AFM: variants seen among roughly 807,000 people sequenced by gnomAD.
AFM encodes alpha-Alb.
AFM carries 82 observed loss-of-function variants against 68.7 expected under a neutral mutation model. The ratio of observed to expected loss-of-function variants is 1.19; its 90% CI spans 1.00 to 1.43. AFM has a LOEUF of 1.43. Among genes scored for constraint, AFM ranks in the 40% most tolerant of loss-of-function variants. The pLI, the probability that AFM is intolerant of heterozygous loss-of-function variation, is 0.00. For synonymous variants in AFM, 250 were observed against 234.2 expected (o/e 1.07, Z -0.61); for missense variants, 772 against 701.8 (o/e 1.10, Z -1.13).
intron 11 of AFM, among the ~76,000 whole-genome samples, chr4:73,499,487 A>G (rs1365750895): frequency 6.6e-6 from 1 of 152,150 alleles, no homozygotes; most frequent in Non-Finnish European, 1.5e-5. Context: ...TCATTGTATT[A>G]GAAGGGATTT....
In AFM at chr4:73,499,202, A is replaced by G; in HGVS notation, c.1378A>G (p.Thr460Ala). 2 of 1,612,824 alleles carry G rather than the reference A, an allele frequency of 1.2e-6. No individual in the cohort carries two copies. The highest frequency in any genetic ancestry group is 2.2e-5 in the East Asian group (1 of 44,822). Residue 460 changes from threonine to alanine, a missense_variant, in exon 11 of 15, where the codon ACT (threonine) becomes GCT (alanine). Thr to Ala is a moderately conservative substitution (Grantham distance 58). Transcript: ENST00000226355. ...CGAGAAAATGGTGACAGCTTTCACT[A>G]CTTGCTGTACGCTAAGTGAAGAGTT... ...LGEKMVTAFT[T>A]CCTLSEEFAC... is the part of the protein sequence containing the mutation.
intron 8 of AFM, among the ~76,000 whole-genome samples, chr4:73,494,020 C>A (rs1440001107): frequency 6.6e-6 from 1 of 151,372 alleles, no homozygotes; most frequent in African/African-American, 2.4e-5. Context: ...GAGTAAGCTT[C>A]CAGGGATTTT....
At position 73,484,232 on chromosome 4, in the gene AFM, T is replaced by C. The variant is rs188646494; in HGVS notation, c.138-26T>C. 29 of 1,593,476 alleles carry C rather than the reference T, an allele frequency of 1.8e-5. No individual in the cohort carries two copies. In the East Asian group the frequency reaches 6.3e-4, roughly 35 times the overall value. Reference sequence around the variant, plus strand: ...AAATGGAAACTCTGCAACTGATCTTTGTATACCCCATGTGAACTGTTGCAG... The same window carrying C: ...AAATGGAAACTCTGCAACTGATCTTCGTATACCCCATGTGAACTGTTGCAG... On this transcript the variant is annotated intron_variant, in intron 2 of 14. Coordinates refer to ENST00000226355, the MANE Select transcript of AFM (RefSeq NM_001133.2).
At chr4:73,486,404 C>T (rs1052262598) in intron 4 of AFM, among the ~76,000 whole-genome samples, 1 of 152,162 alleles carries the variant, frequency 6.6e-6, no homozygotes, top group Non-Finnish European at 1.5e-5. Context: ...GCTGTTTTCA[C>T]CTCAGGCAGA....
At chr4:73,497,969 T>C (rs1430638634) in intron 10 of AFM, among the ~76,000 whole-genome samples, 3 of 152,200 alleles carry the variant, frequency 2.0e-5, no homozygotes, top group East Asian at 1.9e-4. Flanking sequence ...TCTGGAGACA[T>C]TGATTCTCTA....
chr4:73,490,400 T>G (rs1251612778), intron 7 of AFM, among the ~76,000 whole-genome samples: 1 of 140,490 alleles, frequency 7.1e-6, no homozygotes, highest in Non-Finnish European at 1.6e-5. Flanking sequence ...TTGATTGTTC[T>G]TGGTGATGTA....
At chr4:73,490,783 A>T (rs557210852) in intron 7 of AFM, among the ~76,000 whole-genome samples, 1 of 152,322 alleles carries the variant, frequency 6.6e-6, no homozygotes, top group Non-Finnish European at 1.5e-5. Context: ...ATTGAATTAC[A>T]GTTAACTGAA....
chr4:73,493,143 G>C (rs1467515519), intron 8 of AFM, among the ~76,000 whole-genome samples: 1 of 152,118 alleles, frequency 6.6e-6, no homozygotes, highest in Non-Finnish European at 1.5e-5. Flanking sequence ...GGTTTGTTGT[G>C]TATGTGGCTG....
chr4:73,488,661 A>C lies in AFM; in HGVS notation c.745A>C (p.Lys249Gln), dbSNP rs1036991685. 1.4e-5 allele frequency: 23 copies of C among 1,611,654 alleles called. No homozygotes were observed. The highest frequency in any genetic ancestry group is 2.0e-5 in the Non-Finnish European group (23 of 1,178,984). ...TGCGATACTCAGTCAAAAATTCCCC[A>C]AGATTGAATTTAAGGAGCTTATTTC... ...YIAILSQKFP[K>Q]IEFKELISLV... The change falls in exon 7 of 15, where the codon AAG becomes CAG. Residue 249 changes from lysine to glutamine, a missense_variant. Transcript: ENST00000226355.
intron 7 of AFM, among the ~76,000 whole-genome samples, chr4:73,489,569 C>G (rs1359168640): frequency 6.6e-6 from 1 of 152,136 alleles, no homozygotes; most frequent in Non-Finnish European, 1.5e-5. Context: ...ATCATTGAAT[C>G]ACTATGATGT....
Position 73,485,949 on chromosome 4 carries a change from C to T in AFM, c.358C>T (p.Gln120Ter). 3 of 1,613,974 alleles carry T rather than the reference C, an allele frequency of 1.9e-6. No homozygotes were observed. The highest frequency in any genetic ancestry group is 2.5e-6 in the Non-Finnish European group (3 of 1,179,882). Residue 120 changes from glutamine (Q) to a stop codon, truncating the protein, a stop_gained, in exon 4 of 15, where the codon CAA becomes TAA. Coordinates refer to ENST00000226355, the MANE Select transcript of AFM (RefSeq NM_001133.2). LOFTEE classifies it high-confidence loss of function. ...FSHCCSKVDA[Q>*]RRLCFFYNKK... ...ACACTGCTGCAGTAAGGTTGATGCT[C>T]AAAGAAGACTCTGTTTCTTCTATAA...
intron 3 of AFM, 147 bp from the exon 4 acceptor site, chr4:73,485,715 G>A (rs1720881472): frequency 1.7e-6 from 1 of 599,922 alleles, no homozygotes; most frequent in Non-Finnish European, 2.9e-6. Context: ...AGGAGAAGGG[G>A]AAGGGGAAGG....
intron 10 of AFM, among the ~76,000 whole-genome samples, chr4:73,498,399 C>T (rs907216082): frequency 9.2e-5 from 14 of 152,144 alleles, no homozygotes; most frequent in Middle Eastern, 3.2e-3. Flanking sequence ...GATCCTCCCA[C>T]GTCAGCCTCT....
rs557963699 is a variant in AFM at position 73,485,655 on chromosome 4, G to GGGA, written c.271-186_271-184dup. 2.4e-4 allele frequency among the ~76,000 whole-genome samples: 34 copies of GGGA among 143,574 alleles called. 1 individual carries two copies. The highest frequency in any genetic ancestry group is 4.4e-4 in the African/African-American group (17 of 38,406). 94.2% of individuals were successfully genotyped at this position (143,574 alleles called of 152,430 possible). The stretch of plus-strand genomic sequence containing the variant: ...AAAGAAGAGGAAGAAGAAGAAGAAG[G>GGGA]GGAGGAGGAGGAGGAGGAGGAGGTG... On this transcript the variant is annotated intron_variant, in intron 3 of 14. Transcript: ENST00000226355.
At chr4:73,493,810 A>G (rs1721168632) in intron 8 of AFM, among the ~76,000 whole-genome samples, 2 of 152,200 alleles carry the variant, frequency 1.3e-5, no homozygotes, top group African/African-American at 2.4e-5. Context: ...ACAAAATGAT[A>G]GATTGTACCT....
intron 12 of AFM, among the ~76,000 whole-genome samples, chr4:73,501,206 CT>C (rs146199346): frequency 0.12 from 18,239 of 151,934 alleles, 2,714 homozygotes; most frequent in African/African-American, 0.35. Context: ...TGTTGTCACA[CT>C]TAATTGTGAT....
intron 10 of AFM, among the ~76,000 whole-genome samples, chr4:73,498,083 G>A (rs777751901): frequency 2.6e-5 from 4 of 152,158 alleles, no homozygotes; most frequent in Non-Finnish European, 2.9e-5. Context: ...GGTCATTACA[G>A]TTTCTTTGGG....
At position 73,488,710 on chromosome 4, in the gene AFM, A is replaced by G. The variant is rs753536313; in HGVS notation, c.794A>G (p.Asn265Ser). 6.2e-7 allele frequency: 1 copy of G among 1,613,304 alleles called. No individual in the cohort carries two copies. The highest frequency in any genetic ancestry group is 8.5e-7 in the Non-Finnish European group (1 of 1,179,498). Reference protein sequence around the residue: ...LISLVEDVSSNYDGCCEGDVV... With the variant: ...LISLVEDVSSSYDGCCEGDVV... ...TCTCTTGTAGAAGATGTTTCTTCCA[A>G]CTATGATGGATGCTGTGAAGGGGAT... Residue 265 changes from asparagine (N) to serine (S), a missense_variant, in exon 7 of 15, where the codon AAC becomes AGC. Transcript: ENST00000226355.
chr4:73,501,871 G>T lies in AFM; in HGVS notation c.1731G>T (p.Val577=), dbSNP rs1560415041. ...QSLFTNFANV[V]DKCCKAESPE... ...TGTTTACAAATTTCGCAAATGTAGT[G>T]GATAAGTGCTGCAAAGCAGAGAGTC... is the stretch of plus-strand genomic sequence containing the variant. Residue 577 remains valine (V), a synonymous_variant, in exon 13 of 15, where the codon GTG becomes GTT. Coordinates refer to ENST00000226355, the MANE Select transcript of AFM (RefSeq NM_001133.2). The T allele has an allele frequency of 6.2e-7, 1 of 1,613,520 alleles. No individual in the cohort carries two copies. The highest frequency in any genetic ancestry group is 2.2e-5 in the East Asian group (1 of 44,862).
Sources: gnomAD v4.1 joint callset for allele counts (sites outside exome capture counted in the v4.1 genomes callset) on GRCh38, gnomAD v4.1.1 for gene constraint, MANE v1.5 for transcripts, NCBI Gene and HGNC (gene_info 2026-07-23, HGNC 2026-07-21) for gene names.